Variants in SSH2 observed in about 807,000 individuals in gnomAD.
SSH2 encodes protein phosphatase Slingshot homolog 2.
A neutral mutation model predicts 135.2 loss-of-function variants in SSH2; 37 were observed. The ratio of observed to expected loss-of-function variants is 0.27; its 90% CI spans 0.21 to 0.36. The LOEUF is 0.36. Ranked by LOEUF, SSH2 falls within the 10% of genes least tolerant of loss-of-function variation. The pLI, the probability that SSH2 is intolerant of heterozygous loss-of-function variation, is 1.00. For missense variants in SSH2, 1,408 were observed against 1,765.3 expected (o/e 0.80, Z 3.63); for synonymous variants, 628 against 646.2 (o/e 0.97, Z 0.43).
chr17:29,723,794 C>T (rs928203340), intron 3 of SSH2, among the ~76,000 whole-genome samples: 7 of 152,136 alleles, frequency 4.6e-5, no homozygotes, highest in Admixed American at 1.3e-4. Flanking sequence ...CTTATTTGTT[C>T]TTGTTTGCAG....
intron 1 of SSH2, among the ~76,000 whole-genome samples, chr17:29,857,966 G>A (rs1163106696): frequency 6.6e-6 from 1 of 152,170 alleles, no homozygotes. Context: ...GATAATTCAT[G>A]TAAGTGGAAT....
intron 1 of SSH2, among the ~76,000 whole-genome samples, chr17:29,904,886 A>G (rs549831474): frequency 9.2e-5 from 14 of 152,222 alleles, no homozygotes; most frequent in Non-Finnish European, 1.6e-4. Flanking sequence ...TCATGAATGA[A>G]CTCCCATTCA....
intron 15 of SSH2, among the ~76,000 whole-genome samples, chr17:29,634,429 T>C (rs1442016170): frequency 2.6e-5 from 4 of 152,230 alleles, no homozygotes; most frequent in African/African-American, 9.6e-5. Context: ...AGTATGAGTC[T>C]TAGAATTGAT....
intron 1 of SSH2, among the ~76,000 whole-genome samples, chr17:29,859,652 C>T (rs1032427151): frequency 2.6e-5 from 4 of 152,130 alleles, no homozygotes; most frequent in African/African-American, 7.2e-5. Flanking sequence ...CATAGTATTT[C>T]GTAGTGTATA....
intron 2 of SSH2, among the ~76,000 whole-genome samples, chr17:29,817,517 CAA>C (rs1321764582): frequency 3.3e-5 from 5 of 152,158 alleles, no homozygotes; most frequent in Middle Eastern, 3.2e-3. Context: ...CCATGATACT[CAA>C]AGTCATTAGA....
At chr17:29,815,995 C>T (rs182823939) in intron 2 of SSH2, among the ~76,000 whole-genome samples, 4 of 152,042 alleles carry the variant, frequency 2.6e-5, no homozygotes, top group South Asian at 2.1e-4. Flanking sequence ...ACTACAGGCG[C>T]GCACCACCAC....
At chr17:29,696,977 C>T (rs564849058) in intron 4 of SSH2, among the ~76,000 whole-genome samples, 2 of 151,746 alleles carry the variant, frequency 1.3e-5, no homozygotes, top group African/African-American at 4.8e-5. Flanking sequence ...AGCCACAGTG[C>T]CTGGCCAATG....
intron 2 of SSH2, among the ~76,000 whole-genome samples, chr17:29,813,061 A>C (rs1478862728): frequency 1.3e-5 from 2 of 152,132 alleles, no homozygotes; most frequent in South Asian, 4.1e-4. Flanking sequence ...CGAACAAGGA[A>C]TTCCAATTAG....
At chr17:29,713,877 C>T (rs1169513740) in intron 3 of SSH2, among the ~76,000 whole-genome samples, 1 of 152,102 alleles carries the variant, frequency 6.6e-6, no homozygotes, top group African/African-American at 2.4e-5. Flanking sequence ...CACCCCCAAA[C>T]AAAAACCTAG....
chr17:29,633,270 T>C (rs2035765565), intron 15 of SSH2, among the ~76,000 whole-genome samples: 1 of 152,212 alleles, frequency 6.6e-6, no homozygotes, highest in South Asian at 2.1e-4. Flanking sequence ...CCTAAGACTA[T>C]GAGCCTCCAG....
chr17:29,865,522 T>C (rs971405319), intron 1 of SSH2, among the ~76,000 whole-genome samples: 1 of 152,196 alleles, frequency 6.6e-6, no homozygotes, highest in Non-Finnish European at 1.5e-5. Context: ...CTTCTAACCC[T>C]AGTTTAAGGA....
chr17:29,652,658 T>C (rs993646085), intron 12 of SSH2, among the ~76,000 whole-genome samples: 2 of 152,084 alleles, frequency 1.3e-5, no homozygotes, highest in African/African-American at 4.8e-5. Flanking sequence ...TTTTATTATT[T>C]ATTTATTTAT....
intron 3 of SSH2, among the ~76,000 whole-genome samples, chr17:29,735,382 T>C (rs2040330731): frequency 6.6e-6 from 1 of 152,130 alleles, no homozygotes; most frequent in South Asian, 2.1e-4. Flanking sequence ...CTTCTGTTAA[T>C]ACTGTGGACT....
intron 3 of SSH2, among the ~76,000 whole-genome samples, chr17:29,723,796 T>C (rs1389073990): frequency 6.6e-6 from 1 of 152,198 alleles, no homozygotes; most frequent in Non-Finnish European, 1.5e-5. Context: ...TATTTGTTCT[T>C]GTTTGCAGCC....
chr17:29,762,656 T>C (rs1265950415), intron 3 of SSH2, among the ~76,000 whole-genome samples: 1 of 152,244 alleles, frequency 6.6e-6, no homozygotes, highest in East Asian at 1.9e-4. Context: ...TTCCTTCCAA[T>C]TCACTGAGCA....
At chr17:29,823,771 C>A (rs541864969) in intron 2 of SSH2, among the ~76,000 whole-genome samples, 1 of 149,756 alleles carries the variant, frequency 6.7e-6, no homozygotes, top group Non-Finnish European at 1.5e-5. Context: ...CCCAGCTACT[C>A]GGGAGGCTGA....
intron 2 of SSH2, among the ~76,000 whole-genome samples, chr17:29,804,119 G>A (rs1160908781): frequency 6.6e-6 from 1 of 152,148 alleles, no homozygotes; most frequent in African/African-American, 2.4e-5. Flanking sequence ...ATATTTTATA[G>A]AGATATGACA....
At chr17:29,730,391 C>T (rs2040138661) in intron 3 of SSH2, among the ~76,000 whole-genome samples, 1 of 148,078 alleles carries the variant, frequency 6.8e-6, no homozygotes, top group South Asian at 2.1e-4. Context: ...AGGAAAAATG[C>T]TGGAGGTGAC....
intron 3 of SSH2, among the ~76,000 whole-genome samples, chr17:29,771,290 G>C (rs1475188045): frequency 1.3e-5 from 2 of 152,098 alleles, no homozygotes; most frequent in South Asian, 4.1e-4. Flanking sequence ...CTCTCTACTG[G>C]AGCAAATCAG....
Sources: allele counts gnomAD v4.1 joint callset (sites outside exome capture counted in the v4.1 genomes callset), GRCh38; gene constraint gnomAD v4.1.1; transcripts MANE v1.5; gene names NCBI Gene and HGNC (gene_info 2026-07-23, HGNC 2026-07-21).